The following GRID2 variants were observed in gnomAD, a reference collection of about 807,000 sequenced individuals.
GRID2 encodes the protein glutamate ionotropic receptor delta type subunit 2.
A neutral mutation model predicts 114.8 loss-of-function variants in GRID2; 33 were observed. The ratio of observed to expected loss-of-function variants is 0.29; its 90% CI spans 0.22 to 0.38. GRID2 has a LOEUF of 0.38. Among genes scored for constraint, GRID2 ranks in the 10% least tolerant of loss-of-function variants. The pLI, the probability that GRID2 is intolerant of heterozygous loss-of-function variation, is 1.00. For synonymous variants in GRID2, 505 were observed against 449.9 expected, an observed-to-expected ratio of 1.12 and a Z score of -1.55; for missense variants, 1,184 against 1,257.7, an observed-to-expected ratio of 0.94 and a Z score of 0.89.
chr4:93,700,442 A>G (rs1727412824), intron 14 of GRID2, among the ~76,000 whole-genome samples: 1 of 152,202 alleles, frequency 6.6e-6, no homozygotes, highest in South Asian at 2.1e-4. Context: ...GAAGTTCTAA[A>G]TAAGAGAGAT....
intron 9 of GRID2, among the ~76,000 whole-genome samples, chr4:93,407,237 A>T (rs911505152): frequency 6.6e-5 from 10 of 152,092 alleles, no homozygotes; most frequent in African/African-American, 2.4e-4. Flanking sequence ...ATGAGAATAG[A>T]TATCTTCAAA....
chr4:93,071,246 T>A (rs535299331), intron 2 of GRID2, among the ~76,000 whole-genome samples: 2 of 152,092 alleles, frequency 1.3e-5, no homozygotes, highest in African/African-American at 2.4e-5. Context: ...TAACAGGACA[T>A]GTATAGTATA....
At chr4:93,225,953 G>T (rs1413428999) in intron 7 of GRID2, among the ~76,000 whole-genome samples, 1 of 152,128 alleles carries the variant, frequency 6.6e-6, no homozygotes, top group Non-Finnish European at 1.5e-5. Context: ...AGCGAAAAAG[G>T]GGGCCAAGAC....
At chr4:92,885,006 C>T (rs1746275488) in intron 2 of GRID2, 1 of 255,972 alleles carries the variant, frequency 3.9e-6, no homozygotes, top group Admixed American at 5.4e-5. Flanking sequence ...TACTGCTGCA[C>T]AGTGTTACAG....
intron 6 of GRID2, among the ~76,000 whole-genome samples, chr4:93,220,063 G>A (rs1744696452): frequency 6.6e-6 from 1 of 151,882 alleles, no homozygotes; most frequent in Admixed American, 6.6e-5. Context: ...ACAAGAGATT[G>A]GTGTATTGTC....
At chr4:93,633,948 G>A (rs911636829) in intron 14 of GRID2, among the ~76,000 whole-genome samples, 6 of 152,070 alleles carry the variant, frequency 3.9e-5, no homozygotes, top group African/African-American at 1.4e-4. Flanking sequence ...CTCCAGGATT[G>A]GTCAACAAAT....
Position 92,924,872 on chromosome 4 carries a change from C to T in GRID2, c.245-160123C>T, listed in dbSNP as rs547330323. ...ATAAGATCCTTTGTTGTAGCTTCAT[C>T]ATATTAATGTGGAAGCTGTTAATGT... On this transcript the variant is annotated intron_variant, in intron 2 of 15. Coordinates refer to ENST00000282020, the MANE Select transcript of GRID2 (RefSeq NM_001510.4). Among the ~76,000 whole-genome samples the T allele has an allele frequency of 1.1e-4, 16 of 152,228 alleles. No individual in the cohort carries two copies. The East Asian group carries it at 3.1e-3, about 29-fold the overall frequency.
At chr4:92,648,402 G>C (rs1216055450) in intron 2 of GRID2, among the ~76,000 whole-genome samples, 1 of 149,056 alleles carries the variant, frequency 6.7e-6, no homozygotes, top group Non-Finnish European at 1.5e-5. Context: ...ACATTTCTTG[G>C]AATATTTTGT....
chr4:93,462,875 T>G (rs1270809061), intron 11 of GRID2, among the ~76,000 whole-genome samples: 2 of 152,186 alleles, frequency 1.3e-5, no homozygotes, highest in East Asian at 3.8e-4. Flanking sequence ...AAAAATGACA[T>G]TGACTAGCTC....
chr4:93,076,093 G>A (rs1729266718), intron 2 of GRID2, among the ~76,000 whole-genome samples: 3 of 151,618 alleles, frequency 2.0e-5, no homozygotes, highest in East Asian at 1.9e-4. Flanking sequence ...TAGTAGAGAC[G>A]GGTTTCACCG....
chr4:93,449,680 T>C (rs992076535), intron 10 of GRID2, among the ~76,000 whole-genome samples: 1 of 152,060 alleles, frequency 6.6e-6, no homozygotes, highest in African/African-American at 2.4e-5. Context: ...ATTGAAAAGC[T>C]ATATCTAAAG....
chr4:93,253,093 C>CA lies in GRID2; in HGVS notation c.1245+14616dup, dbSNP rs34432102. On this transcript the variant is annotated intron_variant, in intron 8 of 15. Transcript: ENST00000282020. The stretch of plus-strand genomic sequence containing the variant: ...TGAAACCCCGTCTCTACTAAAAATA[C>CA]AAAAAAAAAAAAATTAGCTGGGTGT... Among the ~76,000 whole-genome samples, 1,018 of 142,456 alleles carry CA rather than the reference C, an allele frequency of 7.1e-3. 11 individuals are homozygous for CA. Among genetic ancestry groups the CA allele is most frequent in the East Asian group, 0.015 (72 of 4,804 alleles). 93.5% of individuals were successfully genotyped at this position (142,456 alleles called of 152,430 possible).
intron 9 of GRID2, among the ~76,000 whole-genome samples, chr4:93,396,119 C>T (rs150037898): frequency 5.9e-5 from 9 of 152,124 alleles, no homozygotes; most frequent in African/African-American, 2.2e-4. Flanking sequence ...TGTACATTCT[C>T]TAATAGTGAA....
At chr4:92,658,779 A>ATG (rs367855535) in intron 2 of GRID2, among the ~76,000 whole-genome samples, 6 of 125,064 alleles carry the variant, frequency 4.8e-5, no homozygotes, top group East Asian at 5.3e-4. Context: ...GTTTGCATGT[A>ATG]TGTGTGTGTG....
chr4:92,920,469 T>G (rs1367638080), intron 2 of GRID2, among the ~76,000 whole-genome samples: 1 of 152,216 alleles, frequency 6.6e-6, no homozygotes, highest in Non-Finnish European at 1.5e-5. Context: ...TTGGCATGTT[T>G]TTGCAGTGGC....
At chr4:92,655,555 T>TGG (rs1422741320) in intron 2 of GRID2, among the ~76,000 whole-genome samples, 1 of 151,926 alleles carries the variant, frequency 6.6e-6, no homozygotes, top group Non-Finnish European at 1.5e-5. Flanking sequence ...TTTCTTTCAC[T>TGG]GGTGTTTTAT....
chr4:92,356,598 C>G (rs1443258084), intron 1 of GRID2, among the ~76,000 whole-genome samples: 1 of 151,586 alleles, frequency 6.6e-6, no homozygotes, highest in East Asian at 1.9e-4. Context: ...TAAACACACT[C>G]AAGCACATAC....
intron 2 of GRID2, among the ~76,000 whole-genome samples, chr4:92,969,113 A>C (rs1753335165): frequency 6.6e-6 from 1 of 151,654 alleles, no homozygotes; most frequent in Non-Finnish European, 1.5e-5. Context: ...GGGATATACT[A>C]TGTGTAGTTT....
At position 92,784,697 on chromosome 4, in the gene GRID2, T is replaced by G. The variant is rs1367300651; in HGVS notation, c.244+194411T>G. Among the ~76,000 whole-genome samples, 3 of 151,950 alleles carry G rather than the reference T, an allele frequency of 2.0e-5. No homozygotes were observed. In the East Asian group the frequency reaches 5.8e-4, roughly 29 times the overall value. On this transcript the variant is annotated intron_variant, in intron 2 of 15. Coordinates refer to ENST00000282020, the MANE Select transcript of GRID2 (RefSeq NM_001510.4). ...GTCTTATAGTACTTAGAAAATAAGT[T>G]TTTATATATTTGGGCATTTTTAGGT...
Sources: allele counts gnomAD v4.1 joint callset (sites outside exome capture counted in the v4.1 genomes callset), GRCh38; gene constraint gnomAD v4.1.1; transcripts MANE v1.5; gene names NCBI Gene and HGNC (gene_info 2026-07-23, HGNC 2026-07-21).